GRM7: variants seen among roughly 807,000 people sequenced by gnomAD.
The protein encoded by GRM7 is glutamate metabotropic receptor 7, also known as metabotropic glutamate receptor 7.
In GRM7, 35 loss-of-function variants were observed where a neutral mutation model predicts 84.5. The ratio of observed to expected loss-of-function variants is 0.41; its 90% confidence interval spans 0.32 to 0.55. The LOEUF (loss-of-function observed/expected upper bound fraction) is 0.55. GRM7 is among the 20% of genes least tolerant of loss of function. GRM7 has a pLI of 0.19. For synonymous variants in GRM7, 487 were observed against 455.1 expected, an observed-to-expected ratio of 1.07 and a Z score of -0.89; for missense variants, 1,003 against 1,194.6, an observed-to-expected ratio of 0.84 and a Z score of 2.36.
chr3:6,989,045 G>C (rs1694536434), intron 1 of GRM7, among the ~76,000 whole-genome samples: 1 of 152,138 alleles, frequency 6.6e-6, no homozygotes, highest in Non-Finnish European at 1.5e-5. Flanking sequence ...AAATCTTTCA[G>C]CATAAAAATG....
chr3:7,090,048 G>C (rs1478324372), intron 1 of GRM7, among the ~76,000 whole-genome samples: 1 of 152,036 alleles, frequency 6.6e-6, no homozygotes, highest in Admixed American at 6.6e-5. Context: ...TCACCATGTT[G>C]GCCAGGCCAG....
chr3:6,871,701 AC>A (rs1695126227), intron 1 of GRM7, among the ~76,000 whole-genome samples: 1 of 152,156 alleles, frequency 6.6e-6, no homozygotes, highest in Non-Finnish European at 1.5e-5. Context: ...TTGTCTCAAC[AC>A]ATCTATGATT....
At chr3:7,605,888 G>A (rs1476563121) in intron 8 of GRM7, among the ~76,000 whole-genome samples, 4 of 152,148 alleles carry the variant, frequency 2.6e-5, no homozygotes, top group Non-Finnish European at 5.9e-5. Context: ...TGCAAATGCA[G>A]CCATAGATAA....
intron 8 of GRM7, among the ~76,000 whole-genome samples, chr3:7,642,237 G>A (rs1172935733): frequency 6.6e-6 from 1 of 152,054 alleles, no homozygotes; most frequent in Non-Finnish European, 1.5e-5. Context: ...CTTGTCCTGG[G>A]ACTACATTTT....
chr3:7,594,902 G>T (rs1032334115), intron 8 of GRM7, among the ~76,000 whole-genome samples: 1 of 152,030 alleles, frequency 6.6e-6, no homozygotes, highest in African/African-American at 2.4e-5. Flanking sequence ...GTGGAAGGGT[G>T]TGGTAAAAGT....
chr3:7,441,674 G>T (rs142923558), intron 5 of GRM7, among the ~76,000 whole-genome samples: 1 of 152,160 alleles, frequency 6.6e-6, no homozygotes, highest in African/African-American at 2.4e-5. Flanking sequence ...GTAAGGAGGT[G>T]GTACAGTTTC....
chr3:7,015,683 T>G (rs1239629608), intron 1 of GRM7, among the ~76,000 whole-genome samples: 4 of 152,136 alleles, frequency 2.6e-5, no homozygotes, highest in African/African-American at 9.7e-5. Context: ...GAGAATACAT[T>G]TCCAACATTC....
At chr3:7,601,760 T>C (rs922907098) in intron 8 of GRM7, among the ~76,000 whole-genome samples, 2 of 152,094 alleles carry the variant, frequency 1.3e-5, no homozygotes, top group African/African-American at 4.8e-5. Flanking sequence ...TGGGGCCATG[T>C]ACCTCTTTGT....
chr3:7,728,097 G>T lies in GRM7; in HGVS notation c.2699-12260G>T, dbSNP rs3792428. 3.5e-3 allele frequency among the ~76,000 whole-genome samples: 538 copies of T among 152,268 alleles called. 9 individuals are homozygous for T. In the East Asian group the frequency reaches 0.067, roughly 19 times the overall value. On this transcript the variant is annotated intron_variant, in intron 9 of 9. Transcript: ENST00000357716. ...AAACAAGAAGCCACTGAACTTAACA[G>T]GACTTGACTGTGATGGCACACACGT...
At chr3:7,618,655 T>G (rs1344089294) in intron 8 of GRM7, among the ~76,000 whole-genome samples, 6 of 152,130 alleles carry the variant, frequency 3.9e-5, no homozygotes, top group African/African-American at 1.2e-4. Context: ...GCAAAGTCTC[T>G]TTTCACTGTA....
chr3:7,164,922 A>G (rs1694750345), intron 2 of GRM7, among the ~76,000 whole-genome samples: 1 of 152,180 alleles, frequency 6.6e-6, no homozygotes, highest in African/African-American at 2.4e-5. Flanking sequence ...ATATATGAAG[A>G]AGCTGAGAAC....
At chr3:7,366,401 G>A (rs564898576) in intron 4 of GRM7, among the ~76,000 whole-genome samples, 1 of 151,800 alleles carries the variant, frequency 6.6e-6, no homozygotes, top group Middle Eastern at 3.4e-3. Context: ...ATAATCATTG[G>A]AAAGTTTGCA....
chr3:7,441,395 T>C (rs1697281280), intron 5 of GRM7, among the ~76,000 whole-genome samples: 1 of 152,172 alleles, frequency 6.6e-6, no homozygotes, highest in Non-Finnish European at 1.5e-5. Flanking sequence ...TATTAGACCT[T>C]TGTTGGATGC....
intron 1 of GRM7, among the ~76,000 whole-genome samples, chr3:7,107,179 T>G (rs79251478): frequency 0.063 from 9,648 of 152,038 alleles, 732 homozygotes; most frequent in African/African-American, 0.15. Flanking sequence ...ATAGAGATAC[T>G]CGGCCAAGCC....
intron 9 of GRM7, among the ~76,000 whole-genome samples, chr3:7,722,952 A>T (rs1311494169): frequency 5.9e-5 from 9 of 152,168 alleles, no homozygotes; most frequent in Non-Finnish European, 1.3e-4. Flanking sequence ...TGTGAAGCAT[A>T]AATTTTGCTT....
At chr3:7,102,912 T>C (rs1699163887) in intron 1 of GRM7, among the ~76,000 whole-genome samples, 1 of 151,788 alleles carries the variant, frequency 6.6e-6, no homozygotes, top group South Asian at 2.1e-4. Flanking sequence ...TTTTTTTCTT[T>C]TATATAGTTT....
chr3:7,421,065 A>T (rs1479626729), intron 5 of GRM7, among the ~76,000 whole-genome samples: 3 of 152,226 alleles, frequency 2.0e-5, no homozygotes, highest in Non-Finnish European at 4.4e-5. Flanking sequence ...AATTGTTAAA[A>T]ATAGACTTTA....
chr3:7,481,043 A>G (rs1040417589), intron 7 of GRM7, among the ~76,000 whole-genome samples: 44 of 152,232 alleles, frequency 2.9e-4, no homozygotes, highest in Non-Finnish European at 5.9e-4. Flanking sequence ...CCATTGGGCT[A>G]CAAGATTTTA....
chr3:7,640,072 C>G (rs530690783), intron 8 of GRM7, among the ~76,000 whole-genome samples: 1 of 152,262 alleles, frequency 6.6e-6, no homozygotes, highest in South Asian at 2.1e-4. Context: ...TATAAGACAT[C>G]CTTGCCTAAC....
Sources: gnomAD v4.1 joint callset for allele counts (sites outside exome capture counted in the v4.1 genomes callset) on GRCh38, gnomAD v4.1.1 for gene constraint, MANE v1.5 for transcripts, NCBI Gene and HGNC (gene_info 2026-07-23, HGNC 2026-07-21) for gene names.